MAPK10: variants seen among roughly 807,000 people sequenced by gnomAD.
The protein encoded by MAPK10 is JNK3 alpha protein kinase.
Under a neutral mutation model 59.3 loss-of-function variants are expected in MAPK10, and 25 were observed. That is an observed-to-expected ratio of 0.42 (90% CI 0.31 to 0.59). The LOEUF (loss-of-function observed/expected upper bound fraction) is 0.59, where lower values mean the gene tolerates loss of function less well. Ranked by LOEUF, MAPK10 falls within the 20% of genes least tolerant of loss-of-function variation. MAPK10 has a pLI of 0.15. For synonymous variants in MAPK10, 190 were observed against 200.5 expected (o/e 0.95, Z 0.44); for missense variants, 351 against 568.9 (o/e 0.62, Z 3.90).
At chr4:86,473,545 C>T (rs1752826700) in intron 1 of MAPK10, among the ~76,000 whole-genome samples, 1 of 152,150 alleles carries the variant, frequency 6.6e-6, no homozygotes, top group African/African-American at 2.4e-5. Context: ...TCCTCCAGCC[C>T]CAGCCTAATT....
chr4:86,513,815 T>C lies in MAPK10; in HGVS notation c.-263+80095A>G, dbSNP rs377691647. ...ATAATACTGGCCACGCACTTTGAGA[T>C]GATAACAAAGACCTATGGAACTGAC... is the stretch of plus-strand genomic sequence containing the variant. On this transcript the variant is annotated intron_variant, in intron 1 of 4. Transcript: ENST00000502302. 7.9e-5 allele frequency among the ~76,000 whole-genome samples: 12 copies of C among 152,294 alleles called. No homozygotes were observed. In the East Asian group the frequency reaches 2.3e-3, roughly 29 times the overall value.
intron 2 of MAPK10, chr4:86,326,825 C>T (rs1188104950): frequency 2.0e-5 from 3 of 151,256 alleles, no homozygotes; most frequent in African/African-American, 7.3e-5. Flanking sequence ...AGAAAATACA[C>T]ACAATTACTT....
intron 1 of MAPK10, among the ~76,000 whole-genome samples, chr4:86,507,670 A>G (rs903271182): frequency 1.7e-5 from 2 of 117,758 alleles, no homozygotes; most frequent in African/African-American, 6.7e-5. Flanking sequence ...ATATATATAT[A>G]TAAAATCATG....
chr4:86,245,752 T>C (rs17011584), intron 2 of MAPK10, among the ~76,000 whole-genome samples: 20,160 of 152,176 alleles, frequency 0.13, 1,331 homozygotes, highest in Middle Eastern at 0.16. Context: ...GATTGAAGTT[T>C]AAAATGCCTC....
At chr4:86,321,452 G>A (rs1039537105) in intron 2 of MAPK10, among the ~76,000 whole-genome samples, 5 of 151,798 alleles carry the variant, frequency 3.3e-5, no homozygotes, top group African/African-American at 1.2e-4. Context: ...GGATGAAATT[G>A]GAAATCATCA....
intron 9 of MAPK10, among the ~76,000 whole-genome samples, chr4:86,094,319 A>G (rs1484900907): frequency 1.3e-5 from 2 of 151,968 alleles, no homozygotes; most frequent in East Asian, 1.9e-4. Flanking sequence ...GGTTATATGT[A>G]TATCTCTTTC....
At chr4:86,515,892 T>G (rs1756623054) in intron 1 of MAPK10, among the ~76,000 whole-genome samples, 2 of 151,876 alleles carry the variant, frequency 1.3e-5, no homozygotes, top group Non-Finnish European at 2.9e-5. Context: ...GTTGTTTTTT[T>G]TTTGTTTTGT....
In MAPK10 at chr4:86,392,607, G is replaced by GA. The variant is rs75955663; in HGVS notation, c.-121-37964dup. Among the ~76,000 whole-genome samples, 756 of 146,148 alleles carry GA rather than the reference G, an allele frequency of 5.2e-3. 7 individuals carry two copies. The highest frequency in any genetic ancestry group is 0.018 in the African/African-American group (700 of 39,868). On this transcript the variant is annotated intron_variant, in intron 1 of 13. Coordinates refer to the MAPK10 transcript ENST00000361569. The stretch of plus-strand genomic sequence containing the variant: ...CCTGCCTGTTCCGGCAAACAAAAAA[G>GA]AAAAAAAAAAGGAGCAGACTAGCAG...
intron 11 of MAPK10, among the ~76,000 whole-genome samples, chr4:86,046,786 C>A (rs572367977): frequency 6.6e-6 from 1 of 152,170 alleles, no homozygotes; most frequent in Admixed American, 6.6e-5. Context: ...TTAGTGTCTT[C>A]AATTCTAAAC....
chr4:86,448,896 C>G (rs967738400), intron 1 of MAPK10, among the ~76,000 whole-genome samples: 2 of 152,172 alleles, frequency 1.3e-5, no homozygotes, highest in African/African-American at 4.8e-5. Flanking sequence ...TGATAGGAGA[C>G]AGTGACAGAT....
chr4:86,315,600 C>T (rs1227565509), intron 2 of MAPK10, among the ~76,000 whole-genome samples: 1 of 151,648 alleles, frequency 6.6e-6, no homozygotes, highest in African/African-American at 2.4e-5. Flanking sequence ...AATACTAAAC[C>T]CAACAATGTA....
At chr4:86,145,543 G>A (rs1000760948) in intron 4 of MAPK10, among the ~76,000 whole-genome samples, 4 of 152,020 alleles carry the variant, frequency 2.6e-5, no homozygotes, top group Non-Finnish European at 4.4e-5. Flanking sequence ...GTACCATCCT[G>A]CTTCCTCCGA....
chr4:86,225,951 T>A (rs974398922), intron 2 of MAPK10, among the ~76,000 whole-genome samples: 2 of 152,198 alleles, frequency 1.3e-5, no homozygotes, highest in African/African-American at 2.4e-5. Context: ...CACATTCATA[T>A]ACATTTAGAA....
chr4:86,442,708 T>C (rs1749549672), intron 1 of MAPK10, among the ~76,000 whole-genome samples: 1 of 152,224 alleles, frequency 6.6e-6, no homozygotes, highest in Non-Finnish European at 1.5e-5. Flanking sequence ...GTTTCTGTGA[T>C]AGAACAATCT....
chr4:86,230,159 C>T (rs1284043932), intron 2 of MAPK10, among the ~76,000 whole-genome samples: 3 of 152,116 alleles, frequency 2.0e-5, no homozygotes, highest in East Asian at 1.9e-4. Context: ...ACTTCCCAAA[C>T]GTTTTTATCT....
chr4:86,210,113 A>G (rs1379837930), intron 2 of MAPK10, among the ~76,000 whole-genome samples: 1 of 152,106 alleles, frequency 6.6e-6, no homozygotes, highest in Admixed American at 6.6e-5. Context: ...CTCACAATAA[A>G]CAAAATTCAA....
At chr4:86,512,490 C>T (rs1416287120) in intron 1 of MAPK10, among the ~76,000 whole-genome samples, 1 of 152,094 alleles carries the variant, frequency 6.6e-6, no homozygotes, top group African/African-American at 2.4e-5. Context: ...TAGGTAAAAC[C>T]TAAAATCTAC....
At chr4:86,316,294 ACC>A (rs1218380264) in intron 2 of MAPK10, among the ~76,000 whole-genome samples, 1 of 152,210 alleles carries the variant, frequency 6.6e-6, no homozygotes, top group African/African-American at 2.4e-5. Flanking sequence ...AACGCATTAA[ACC>A]CTAGCATTTA....
In MAPK10 at chr4:86,162,508, T is replaced by G. The variant is rs2070126222; in HGVS notation, c.67-3041A>C. Among the ~76,000 whole-genome samples the G allele has an allele frequency of 1.3e-5, 2 of 152,104 alleles. 1 individual carries two copies. The highest frequency in any genetic ancestry group is 1.3e-4 in the Admixed American group (2 of 15,244). On this transcript the variant is annotated intron_variant, in intron 3 of 13. Coordinates refer to ENST00000641462, the MANE Select transcript of MAPK10 (RefSeq NM_138982.4). ...AAACATTTTTTGCATAAGGTTGTGA[T>G]GGTCTTGGCGCAAACTCATGGGTTT...
Sources: allele counts gnomAD v4.1 joint callset (sites outside exome capture counted in the v4.1 genomes callset), GRCh38; gene constraint gnomAD v4.1.1; transcripts MANE v1.5; gene names NCBI Gene and HGNC (gene_info 2026-07-23, HGNC 2026-07-21).